Variants in ZNF407 observed in about 807,000 individuals in gnomAD.
ZNF407 encodes zinc finger protein 407.
In ZNF407, 17 loss-of-function variants were observed where a neutral mutation model predicts 131.2. That is an observed-to-expected ratio of 0.13 (90% CI 0.09 to 0.19). The LOEUF (loss-of-function observed/expected upper bound fraction) is 0.19, where lower values mean the gene tolerates loss of function less well. ZNF407 is among the 10% of genes least tolerant of loss of function. The probability of loss-of-function intolerance (pLI) is 1.00; values close to 1 mark genes in which losing one functional copy is unlikely to be tolerated. For missense variants in ZNF407, 2,681 were observed against 2,830.6 expected, an observed-to-expected ratio of 0.95 and a Z score of 1.20; for synonymous variants, 1,156 against 1,062.0, an observed-to-expected ratio of 1.09 and a Z score of -1.72.
chr18:74,920,295 T>A (rs79792644), intron 7 of ZNF407, among the ~76,000 whole-genome samples: 1,584 of 152,296 alleles, frequency 0.01, 27 homozygotes, highest in African/African-American at 0.035. Context: ...TGGTTCTTCA[T>A]AGAAATGAAG....
intron 8 of ZNF407, among the ~76,000 whole-genome samples, chr18:75,041,107 G>A (rs1031911350): frequency 6.6e-6 from 1 of 152,228 alleles, no homozygotes; most frequent in Non-Finnish European, 1.5e-5. Context: ...CCCGCAAGGT[G>A]TCAGTGCCCT....
At chr18:74,870,378 C>G (rs1177426341) in intron 4 of ZNF407, among the ~76,000 whole-genome samples, 1 of 152,128 alleles carries the variant, frequency 6.6e-6, no homozygotes, top group Non-Finnish European at 1.5e-5. Flanking sequence ...AGACTCTTGG[C>G]TTAAGTAGGA....
intron 3 of ZNF407, among the ~76,000 whole-genome samples, chr18:74,779,555 G>C (rs1442759012): frequency 6.6e-6 from 1 of 152,094 alleles, no homozygotes; most frequent in East Asian, 1.9e-4. Flanking sequence ...ATTGAGCTGT[G>C]TTATAGTATT....
intron 8 of ZNF407, among the ~76,000 whole-genome samples, chr18:75,012,622 C>T (rs951187036): frequency 2.0e-5 from 3 of 151,670 alleles, no homozygotes; most frequent in South Asian, 4.2e-4. Flanking sequence ...GTTCTGCCCC[C>T]GTAATTCAAC....
intron 8 of ZNF407, among the ~76,000 whole-genome samples, chr18:74,985,235 C>T (rs1419951147): frequency 2.0e-5 from 3 of 152,062 alleles, no homozygotes; most frequent in African/African-American, 7.2e-5. Flanking sequence ...TAATTTTTAC[C>T]TCCTTAAAAT....
chr18:74,845,771 T>C (rs1441600688), intron 4 of ZNF407, among the ~76,000 whole-genome samples: 1 of 152,208 alleles, frequency 6.6e-6, no homozygotes, highest in African/African-American at 2.4e-5. Flanking sequence ...AAGAGTGCTT[T>C]TACAAAAATG....
intron 4 of ZNF407, among the ~76,000 whole-genome samples, chr18:74,837,594 G>A (rs1970575728): frequency 1.3e-5 from 2 of 151,890 alleles, no homozygotes; most frequent in South Asian, 4.2e-4. Context: ...AAATTCTAAT[G>A]CCTATCTTTG....
chr18:75,040,871 C>T (rs144464313), intron 8 of ZNF407, among the ~76,000 whole-genome samples: 1 of 152,214 alleles, frequency 6.6e-6, no homozygotes, highest in East Asian at 1.9e-4. Context: ...TGACAAAGCA[C>T]ATGGAGAACG....
In ZNF407 at chr18:74,725,202, C is replaced by A. The variant is rs151088150; in HGVS notation, c.4803-56226C>A. 8.2e-3 allele frequency among the ~76,000 whole-genome samples: 1,245 copies of A among 152,196 alleles called. 15 individuals are homozygous for A. The highest frequency in any genetic ancestry group is 0.028 in the African/African-American group (1,181 of 41,540). The stretch of plus-strand genomic sequence containing the variant: ...CCAGGCTGGAGTGCTGTGGTGCAGT[C>A]ATGGCTCACTGCTACCTTGACCTCC... On this transcript the variant is annotated intron_variant, in intron 3 of 8. Coordinates refer to ENST00000299687, the MANE Select transcript of ZNF407 (RefSeq NM_017757.3).
rs901951877 is a variant in ZNF407 at position 74,739,076 on chromosome 18, C to T, written c.4803-42352C>T. ...GCCAGTAAATTTTTTCATGCCACAA[C>T]ATGTATGTTTTTTTCTGATTAATAT... On this transcript the variant is annotated intron_variant, in intron 3 of 8. Transcript: ENST00000299687. Among the ~76,000 whole-genome samples the T allele has an allele frequency of 2.0e-4, 30 of 151,626 alleles. 1 individual carries two copies. The highest frequency in any genetic ancestry group is 5.9e-4 in the Admixed American group (9 of 15,218).
chr18:75,053,976 C>T (rs555296623), intron 8 of ZNF407, among the ~76,000 whole-genome samples: 29 of 152,352 alleles, frequency 1.9e-4, no homozygotes, highest in Non-Finnish European at 2.4e-4. Flanking sequence ...CTTTCTCCTG[C>T]TTTCATTTCC....
intron 3 of ZNF407, among the ~76,000 whole-genome samples, chr18:74,777,732 T>TCA (rs1599145286): frequency 1.3e-5 from 1 of 79,658 alleles, no homozygotes; most frequent in East Asian, 2.1e-3. Context: ...TCGATCGCAC[T>TCA]CTCTCTCTCT....
At chr18:74,605,216 C>G (rs908843828) in intron 1 of ZNF407, among the ~76,000 whole-genome samples, 1 of 152,132 alleles carries the variant, frequency 6.6e-6, no homozygotes. Context: ...GCACCTCCTT[C>G]ACCCCCAGCT....
At chr18:74,853,838 T>A (rs1311669580) in intron 4 of ZNF407, among the ~76,000 whole-genome samples, 1 of 152,158 alleles carries the variant, frequency 6.6e-6, no homozygotes, top group Non-Finnish European at 1.5e-5. Flanking sequence ...AAGTGTGGTG[T>A]GCACAACGGT....
intron 4 of ZNF407, among the ~76,000 whole-genome samples, chr18:74,838,490 C>T (rs1817945208): frequency 6.6e-6 from 1 of 152,098 alleles, no homozygotes; most frequent in Non-Finnish European, 1.5e-5. Context: ...CTTCATTTCC[C>T]CCTCTCTTTT....
chr18:74,768,679 G>A (rs181458856), intron 3 of ZNF407, among the ~76,000 whole-genome samples: 44 of 152,164 alleles, frequency 2.9e-4, no homozygotes, highest in African/African-American at 7.5e-4. Context: ...TTCTTACACC[G>A]TTGTTATATT....
At chr18:74,907,695 A>G (rs1971615111) in intron 7 of ZNF407, among the ~76,000 whole-genome samples, 2 of 152,258 alleles carry the variant, frequency 1.3e-5, no homozygotes, top group Non-Finnish European at 2.9e-5. Context: ...CTCTTCATGG[A>G]CATTTAGTTT....
At chr18:74,925,728 C>T (rs2033768697) in intron 8 of ZNF407, among the ~76,000 whole-genome samples, 1 of 152,178 alleles carries the variant, frequency 6.6e-6, no homozygotes, top group African/African-American at 2.4e-5. Flanking sequence ...ATCCTGACAG[C>T]TTCTCATTGG....
chr18:75,047,303 A>G (rs1055594478), intron 8 of ZNF407, among the ~76,000 whole-genome samples: 2 of 152,238 alleles, frequency 1.3e-5, no homozygotes, highest in African/African-American at 4.8e-5. Context: ...AAAGGAAGGC[A>G]TAGAAAACAG....
Sources: allele counts gnomAD v4.1 joint callset (sites outside exome capture counted in the v4.1 genomes callset), GRCh38; gene constraint gnomAD v4.1.1; transcripts MANE v1.5; gene names NCBI Gene and HGNC (gene_info 2026-07-23, HGNC 2026-07-21).